Variants in MYH8 observed in about 807,000 individuals in gnomAD.
MYH8 encodes the protein myosin-8.
A neutral mutation model predicts 233.2 loss-of-function variants in MYH8; 168 were observed. The observed-to-expected ratio is 0.72, with a 90% CI of 0.64 to 0.82. The LOEUF (loss-of-function observed/expected upper bound fraction) is 0.82. MYH8 is among the 40% of genes least tolerant of loss of function. The pLI is 0.00. For synonymous variants in MYH8, 785 were observed against 850.6 expected (o/e 0.92, Z 1.34); for missense variants, 1,995 against 2,327.8 (o/e 0.86, Z 2.94).
chr17:10,406,468 A>G, intron 19 of MYH8, 71 bp from the exon 20 acceptor site: 1 of 1,592,636 alleles, frequency 6.3e-7, no homozygotes, highest in South Asian at 1.1e-5. Flanking sequence ...CACCAAAAAG[A>G]AATATCAACA....
chr17:10,398,819 T>C lies in MYH8; in HGVS notation c.3930A>G (p.Ala1310=), dbSNP rs1472140319. The change falls in exon 29 of 40, where the codon GCA becomes GCG. Residue 1310 remains alanine (A), a synonymous_variant. Coordinates refer to ENST00000403437, the MANE Select transcript of MYH8 (RefSeq NM_002472.3). ...TCAGCTCTTCAATCTGCTGAGTAGA[T>C]GCTTGCTTGCTCCTTGAAAGCTGAG... ...LVSQLSRSKQ[A]STQQIEELKH... is the part of the protein sequence containing the mutation. 6.2e-7 allele frequency: 1 copy of C among 1,614,036 alleles called. No individual in the cohort carries two copies. The highest frequency in any genetic ancestry group is 2.2e-5 in the East Asian group (1 of 44,880).
At position 10,392,917 on chromosome 17, in the gene MYH8, C is replaced by A; in HGVS notation, c.5377G>T (p.Val1793Leu). The change falls in exon 37 of 40, where the codon GTG (valine) becomes TTG (leucine). Residue 1793 changes from valine to leucine, a missense_variant. Coordinates refer to ENST00000403437, the MANE Select transcript of MYH8 (RefSeq NM_002472.3). ...TCTAGACGATGCTGCAGGTCCTTCACCGTCTGCTCCAGGTTCTTCTTCATC... is the reference window on the plus strand; with the variant it reads ...TCTAGACGATGCTGCAGGTCCTTCAACGTCTGCTCCAGGTTCTTCTTCATC... ...ERMKKNLEQT[V>L]KDLQHRLDEA... The A allele has an allele frequency of 6.2e-7, 1 of 1,614,238 alleles. No individual in the cohort carries two copies. The highest frequency in any genetic ancestry group is 8.5e-7 in the Non-Finnish European group (1 of 1,180,040).
chr17:10,397,019 C>A lies in MYH8; in HGVS notation c.4179-33G>T, dbSNP rs1482970016. ...GTTAGCCAGGCAGTCAGGAGAATGG[C>A]CAAGACCAGAAGCAAAGTGATAACC... is the stretch of plus-strand genomic sequence containing the variant. On this transcript the variant is annotated intron_variant, in intron 30 of 39. Coordinates refer to ENST00000403437, the MANE Select transcript of MYH8 (RefSeq NM_002472.3). 1.1e-5 allele frequency: 17 copies of A among 1,611,920 alleles called. No individual in the cohort carries two copies. The South Asian group carries it at 1.8e-4, about 17-fold the overall frequency.
intron 2 of MYH8, among the ~76,000 whole-genome samples, chr17:10,421,443 C>T (rs1167018856): frequency 1.3e-5 from 2 of 152,124 alleles, no homozygotes; most frequent in East Asian, 3.9e-4. Context: ...CTAATTCTGT[C>T]CTAAACGGTC....
At chr17:10,390,641 T>A in intron 39 of MYH8, 38 bp from the exon 40 acceptor site, 1 of 1,604,480 alleles carries the variant, frequency 6.2e-7, no homozygotes. Context: ...TTAGACTGTG[T>A]GGTTCTCATT....
chr17:10,408,599 G>A (rs182104865), intron 17 of MYH8, among the ~76,000 whole-genome samples: 315 of 152,262 alleles, frequency 2.1e-3, no homozygotes, highest in African/African-American at 7.3e-3. Context: ...GAGATATTTC[G>A]TATCTTAATG....
Position 10,415,602 on chromosome 17 carries a change from A to G in MYH8, c.540-22T>C. On this transcript the variant is annotated intron_variant, in intron 6 of 39. Coordinates refer to ENST00000403437, the MANE Select transcript of MYH8 (RefSeq NM_002472.3). This position sits in a 1 kb window ranked among gnomAD's most constrained non-coding sequence, Gnocchi z 4.1. ...TCCGCTGTCAAACAGAAATCAGAGA[A>G]GAGATCAGAGAACTATGGCCTGCAT... 1 of 1,613,888 alleles carries G rather than the reference A, an allele frequency of 6.2e-7. No individual in the cohort carries two copies. The highest frequency in any genetic ancestry group is 1.6e-4 in the Middle Eastern group (1 of 6,062).
At chr17:10,395,808 C>T (rs1392151677) in intron 33 of MYH8, among the ~76,000 whole-genome samples, 10 of 151,840 alleles carry the variant, frequency 6.6e-5, no homozygotes, top group Admixed American at 6.6e-4. Context: ...AATTTTTTTT[C>T]CGATTACATA....
chr17:10,407,064 C>A, intron 17 of MYH8, 85 bp from the exon 18 acceptor site: 1 of 978,906 alleles, frequency 1.0e-6, no homozygotes, highest in South Asian at 1.3e-5. Context: ...CCTAGACAGT[C>A]CTTTAACTAC....
At position 10,406,368 on chromosome 17, in the gene MYH8, G is replaced by A; in HGVS notation, c.2201C>T (p.Pro734Leu). 1.2e-6 allele frequency: 2 copies of A among 1,613,970 alleles called. No homozygotes were observed. The highest frequency in any genetic ancestry group is 1.3e-5 in the African/African-American group (1 of 75,030). The change falls in exon 20 of 40, where the codon CCA becomes CTA. Residue 734 changes from proline to leucine, a missense_variant. Transcript: ENST00000403437. ...RYKVLNASAIPEGQFIDSKKA... is the reference protein window; with the variant it reads ...RYKVLNASAILEGQFIDSKKA... ...CTTGCTGTCAATGAACTGTCCCTCT[G>A]GAATAGCACTTGCATTTAAAACCTT...
chr17:10,398,708 T>C (rs1285397215), intron 29 of MYH8, 60 bp downstream of exon 29: 1 of 1,613,796 alleles, frequency 6.2e-7, no homozygotes, highest in African/African-American at 1.3e-5. Context: ...ACATCCCAAG[T>C]AGAGCCTAAC....
At chr17:10,421,045 G>A (rs1167648429) in intron 2 of MYH8, among the ~76,000 whole-genome samples, 2 of 152,104 alleles carry the variant, frequency 1.3e-5, no homozygotes, top group Non-Finnish European at 2.9e-5. Flanking sequence ...TCACATGCAT[G>A]TAAGCCATTG....
rs769244945 is a variant in MYH8, at chr17:10,406,140, T to C, written c.2333A>G (p.Glu778Gly). ...FKAGLLGLLE[E>G]MRDEKLAQII... ...TTGGGCTAATTTTTCATCTCTCATT[T>C]CTTCCAGAAGACCCAGAAGTCCAGC... Residue 778 changes from glutamate (E) to glycine (G), a missense_variant, in exon 21 of 40, where the codon GAA becomes GGA. Physicochemically the swap from Glu to Gly is moderately conservative, Grantham distance 98. Transcript: ENST00000403437. The C allele has an allele frequency of 4.8e-5, 77 of 1,613,990 alleles. No individual in the cohort carries two copies. The highest frequency in any genetic ancestry group is 6.3e-5 in the Non-Finnish European group (74 of 1,180,028).
intron 12 of MYH8, 72 bp downstream of exon 12, chr17:10,413,830 T>C (rs2072265571): frequency 6.2e-7 from 1 of 1,608,500 alleles, no homozygotes; most frequent in Non-Finnish European, 8.5e-7. Context: ...ACAAAGGAGA[T>C]GTGAGTGTAA....
At position 10,391,787 on chromosome 17, in the gene MYH8, T is replaced by C. The variant is rs1015410843; in HGVS notation, c.5664+95A>G. 6 of 961,624 alleles carry C rather than the reference T, an allele frequency of 6.2e-6. No homozygotes were observed. In the African/African-American group the frequency reaches 9.6e-5, roughly 15 times the overall value. The allele number at this position is 961,624 out of a possible 1,614,324, so 59.6% of individuals were successfully genotyped here. A position where few individuals can be genotyped will look rare whatever the true frequency, so the allele number is the denominator to read the frequency against. Reference sequence around the variant, plus strand: ...CCCTCTTAAAATGAGTGGTAGATTTTCACTTTGTCTTCTTCCTTATTGACG... The same window carrying C: ...CCCTCTTAAAATGAGTGGTAGATTTCCACTTTGTCTTCTTCCTTATTGACG... On this transcript the variant is annotated intron_variant, in intron 39 of 39. Transcript: ENST00000403437.
At chr17:10,420,665 A>C (rs2072330739) in intron 2 of MYH8, among the ~76,000 whole-genome samples, 1 of 152,230 alleles carries the variant, frequency 6.6e-6, no homozygotes, top group African/African-American at 2.4e-5. Context: ...GTCTTGTTCA[A>C]ATGAAGGTTC....
intron 37 of MYH8, 41 bp from the exon 38 acceptor site, chr17:10,392,687 A>C (rs1406471729): frequency 6.2e-7 from 1 of 1,613,208 alleles, no homozygotes; most frequent in South Asian, 1.1e-5. Context: ...GTCTTGGGGG[A>C]TATTAATTAG....
rs766016765 is a variant in MYH8, at chr17:10,415,296, C to A, written c.737G>T (p.Arg246Leu). Residue 246 changes from arginine to leucine, a missense_variant, in exon 8 of 40, where the codon CGC becomes CTC. Arg to Leu is a moderately radical substitution (Grantham distance 102, BLOSUM62 -2). This residue lies in a region of MYH8 where 479 missense variants were observed against 600.9 expected (regional missense o/e 0.80). Coordinates refer to ENST00000403437, the MANE Select transcript of MYH8 (RefSeq NM_002472.3). The surrounding 1 kb of genome is among the most constrained non-coding windows in gnomAD (Gnocchi z 4.1). ...AKTVRNDNSS[R>L]FGKFIRIHFG... ...GGTTGAGACCAAGAGACTCACAAAG[C>A]GAGAGGAGTTGTCATTCCTCACAGT... The A allele has an allele frequency of 3.1e-6, 5 of 1,613,354 alleles. No individual in the cohort carries two copies. The highest frequency in any genetic ancestry group is 4.2e-6 in the Non-Finnish European group (5 of 1,179,394).
chr17:10,411,141 C>T (rs1246226416), intron 14 of MYH8, among the ~76,000 whole-genome samples, 194 bp from the exon 15 acceptor site: 1 of 152,030 alleles, frequency 6.6e-6, no homozygotes, highest in Non-Finnish European at 1.5e-5. Flanking sequence ...CTTTGGGAGG[C>T]CGCGGTGGGT....
Sources: gnomAD v4.1 joint callset for allele counts (sites outside exome capture counted in the v4.1 genomes callset) on GRCh38, gnomAD v4.1.1 for gene constraint, gnomAD v4.1.1 regional missense constraint, Gnocchi (gnomAD v3.1) non-coding constraint, MANE v1.5 for transcripts, NCBI Gene and HGNC (gene_info 2026-07-23, HGNC 2026-07-21) for gene names.